ERCC3: variants seen among roughly 807,000 people sequenced by gnomAD.
The protein encoded by ERCC3 is ERCC excision repair 3, TFIIH core complex helicase subunit.
A neutral mutation model predicts 94.2 loss-of-function variants in ERCC3; 66 were observed. That is an observed-to-expected ratio of 0.70 (90% CI 0.57 to 0.86). The LOEUF (loss-of-function observed/expected upper bound fraction) is 0.86, where lower values mean the gene tolerates loss of function less well. ERCC3 is among the 40% of genes least tolerant of loss of function. The pLI is 0.00. For synonymous variants in ERCC3, 349 were observed against 369.1 expected, an observed-to-expected ratio of 0.95 and a Z score of 0.63; for missense variants, 829 against 987.1, an observed-to-expected ratio of 0.84 and a Z score of 2.15.
Position 127,289,835 on chromosome 2 carries a change from G to A in ERCC3, c.522-11C>T, listed in dbSNP as rs1399712660. 9.3e-6 allele frequency: 15 copies of A among 1,614,008 alleles called. No homozygotes were observed. Among genetic ancestry groups the A allele is most frequent in the Non-Finnish European group, 1.3e-5 (15 of 1,180,008 alleles). On this transcript the variant is annotated splice_polypyrimidine_tract_variant and intron_variant, in intron 4 of 14. Coordinates refer to ENST00000285398, the MANE Select transcript of ERCC3 (RefSeq NM_000122.2). ...CTTTCAACGAAGTATCTGCAAGCAG[G>A]GGAGGAAGAAGGGGTCTACTGACCA...
At position 127,276,160 on chromosome 2, in the gene ERCC3, G is replaced by A. The variant is rs564651388; in HGVS notation, c.1730+3013C>T. On this transcript the variant is annotated intron_variant, in intron 10 of 14. Coordinates refer to ENST00000285398, the MANE Select transcript of ERCC3 (RefSeq NM_000122.2). ...CCCTCCTCTTCCCCTAACACACGGT[G>A]GTGCCCAGGGGACTGAAAAATTCCT... Among the ~76,000 whole-genome samples, 46 of 152,302 alleles carry A rather than the reference G, an allele frequency of 3.0e-4. No homozygotes were observed. In the South Asian group the frequency reaches 9.1e-3, roughly 30 times the overall value.
intron 10 of ERCC3, among the ~76,000 whole-genome samples, chr2:127,273,183 C>CT (rs887210571): frequency 6.6e-6 from 1 of 152,184 alleles, no homozygotes; most frequent in African/African-American, 2.4e-5. Flanking sequence ...GGATTCCCTC[C>CT]TTTCCATTTT....
chr2:127,270,365 G>A (rs961963750), intron 12 of ERCC3, among the ~76,000 whole-genome samples: 9 of 152,142 alleles, frequency 5.9e-5, no homozygotes, highest in South Asian at 2.1e-4. Flanking sequence ...AATCCTCACA[G>A]CAGTCTTGGC....
At chr2:127,289,647 A>C in intron 5 of ERCC3, 42 bp downstream of exon 5, 1 of 1,613,540 alleles carries the variant, frequency 6.2e-7, no homozygotes. Context: ...TGAAATCCTA[A>C]ATGCCTGCCC....
rs1472700585 is a variant in ERCC3, at chr2:127,257,835, C to CATCA, written c.2218-112_2218-109dup. ...TTATAAGACTTACATAAATTTAATA[C>CATCA]ATCATTTTTAATAATGTTTACAGAT... On this transcript the variant is annotated intron_variant, in intron 14 of 14. Transcript: ENST00000285398. The surrounding 1 kb of genome is among the most constrained non-coding windows in gnomAD (Gnocchi z 5.4). 5 of 1,257,884 alleles carry CATCA rather than the reference C, an allele frequency of 4.0e-6. No individual in the cohort carries two copies. The highest frequency in any genetic ancestry group is 5.7e-6 in the Non-Finnish European group (5 of 876,134). The allele number at this position is 1,257,884 out of a possible 1,614,324, so 77.9% of individuals were successfully genotyped here. A position where few individuals can be genotyped will look rare whatever the true frequency, so the allele number is the denominator to read the frequency against.
rs751916656 is a variant in ERCC3 at position 127,272,939 on chromosome 2, A to T, written c.1753T>A (p.Ser585Thr). ...AGAATTTGCATCCTTTCCCCCTGAGACGTAGGTCCGTAGATATAGGGTCTA... is the reference window on the plus strand; with the variant it reads ...AGAATTTGCATCCTTTCCCCCTGAGTCGTAGGTCCGTAGATATAGGGTCTA... ...LNKPYIYGPT[S>T]QGERMQILQN... The change falls in exon 11 of 15, where the codon TCT becomes ACT. Residue 585 changes from serine to threonine, a missense_variant. Coordinates refer to ENST00000285398, the MANE Select transcript of ERCC3 (RefSeq NM_000122.2). The T allele has an allele frequency of 6.2e-7, 1 of 1,611,622 alleles. No homozygotes were observed.
At chr2:127,268,382 C>T (rs930992018) in intron 12 of ERCC3, among the ~76,000 whole-genome samples, 5 of 152,262 alleles carry the variant, frequency 3.3e-5, no homozygotes, top group South Asian at 4.2e-4. Context: ...CCTCAGCCTC[C>T]GGAGTGGCTG....
At position 127,289,398 on chromosome 2, in the gene ERCC3, T is replaced by C. The variant is rs1413165197; in HGVS notation, c.761A>G (p.Gln254Arg). Residue 254 changes from glutamine to arginine, a missense_variant, in exon 6 of 15, where the codon CAA (glutamine) becomes CGA (arginine). Transcript: ENST00000285398. ...TTCTTCTTCTTCATCCTTGTCCATT[T>C]GCTCATAGAAGTCAAACAGGTCCAT... ...IPMDLFDFYE[Q>R]MDKDEEEEEE... 1 of 1,613,688 alleles carries C rather than the reference T, an allele frequency of 6.2e-7. No individual in the cohort carries two copies. Among genetic ancestry groups the C allele is most frequent in the East Asian group, 2.2e-5 (1 of 44,872 alleles).
rs776235470 is a variant in ERCC3, at chr2:127,294,107, T to C, written c.-26A>G. 23 of 1,605,214 alleles carry C rather than the reference T, an allele frequency of 1.4e-5. No individual in the cohort carries two copies. Among genetic ancestry groups the C allele is most frequent in the Non-Finnish European group, 1.7e-5 (20 of 1,179,088 alleles). On this transcript the variant is annotated 5_prime_UTR_variant, in exon 1 of 15. Transcript: ENST00000285398. ...GGCAGCTACAGCAGCAGAGAGAAGA[T>C]GACCCCGCTCCCACAGGCCCGCCGC...
rs903470921 is a variant in ERCC3, at chr2:127,286,596, CT to C, written c.1342+106del. On this transcript the variant is annotated intron_variant, in intron 8 of 14. Coordinates refer to ENST00000285398, the MANE Select transcript of ERCC3 (RefSeq NM_000122.2). ...AGCTTTACCCAGCAAGCCAGCAAGT[CT>C]TTCTAGCCAGTTGGGTGGGCTACAC... 1.0e-5 allele frequency: 11 copies of C among 1,066,364 alleles called. No homozygotes were observed. In the African/African-American group the frequency reaches 1.6e-4, roughly 15 times the overall value. 66.1% of individuals were successfully genotyped at this position (1,066,364 alleles called of 1,614,324 possible). A position where few individuals can be genotyped will look rare whatever the true frequency, so the allele number is the denominator to read the frequency against.
rs1684997867 is a variant in ERCC3, at chr2:127,284,128, GT to G, written c.1342+2574del. ...ATTAAAGCTTCACAACATATCCAGAGTCGGATCACGCCTTCATCCTTACTGG... is the reference window on the plus strand; with the variant it reads ...ATTAAAGCTTCACAACATATCCAGAGCGGATCACGCCTTCATCCTTACTGG... On this transcript the variant is annotated intron_variant, in intron 8 of 14. Coordinates refer to ENST00000285398, the MANE Select transcript of ERCC3 (RefSeq NM_000122.2). This position sits in a 1 kb window ranked among gnomAD's most constrained non-coding sequence, Gnocchi z 4.1. The G allele has an allele frequency of 6.6e-6, 1 of 152,210 alleles. No individual in the cohort carries two copies. Among genetic ancestry groups the G allele is most frequent in the African/African-American group, 2.4e-5 (1 of 41,424 alleles). The allele number at this position is 152,210 out of a possible 1,614,324, so 9.4% of individuals were successfully genotyped here.
At chr2:127,292,513 C>A in intron 3 of ERCC3, 97 bp downstream of exon 3, 1 of 849,636 alleles carries the variant, frequency 1.2e-6, no homozygotes, top group East Asian at 2.4e-5. Flanking sequence ...CTGAATGGCA[C>A]ATTCTCATGG....
chr2:127,289,502 C>T lies in ERCC3; in HGVS notation c.658-1G>A. 1 of 1,612,446 alleles carries T rather than the reference C, an allele frequency of 6.2e-7. No individual in the cohort carries two copies. Among genetic ancestry groups the T allele is most frequent in the Non-Finnish European group, 8.5e-7 (1 of 1,180,024 alleles). On this transcript the variant is annotated splice_acceptor_variant, in intron 5 of 14. Transcript: ENST00000285398. LOFTEE classifies it high-confidence loss of function. ...CACTGCTTTCAGCAGTCTTAGAAAT[C>T]TGTGAGAGAGGTAGGTGCTGAACGT...
intron 12 of ERCC3, among the ~76,000 whole-genome samples, chr2:127,267,339 C>G (rs1023801323): frequency 1.3e-5 from 2 of 152,018 alleles, no homozygotes; most frequent in Non-Finnish European, 2.9e-5. Flanking sequence ...AACCATTTAT[C>G]ATCGTGTAAT....
intron 12 of ERCC3, among the ~76,000 whole-genome samples, chr2:127,269,591 T>C (rs1285620431): frequency 1.3e-5 from 2 of 151,284 alleles, no homozygotes; most frequent in East Asian, 2.0e-4. Context: ...CCAGCTAATT[T>C]TTTGTATTTT....
Position 127,267,534 on chromosome 2 carries a change from C to A in ERCC3, c.1945+3802G>T, listed in dbSNP as rs115880158. Among the ~76,000 whole-genome samples the A allele has an allele frequency of 4.3e-3, 656 of 151,884 alleles. 4 individuals are homozygous for A. Among genetic ancestry groups the A allele is most frequent in the South Asian group, 0.011 (54 of 4,820 alleles). ...GAGGTCTCTTGAAGACAGCAGAAGGCTGGGTCTTGTTTTTAATCCAATTTG... is the reference window on the plus strand; with the variant it reads ...GAGGTCTCTTGAAGACAGCAGAAGGATGGGTCTTGTTTTTAATCCAATTTG... On this transcript the variant is annotated intron_variant, in intron 12 of 14. Coordinates refer to ENST00000285398, the MANE Select transcript of ERCC3 (RefSeq NM_000122.2).
In ERCC3 at chr2:127,259,300, C is replaced by T; in HGVS notation, c.2213G>A (p.Ser738Asn). The change falls in exon 14 of 15, where the codon AGC (serine) becomes AAC (asparagine). Residue 738 changes from serine to asparagine, a missense_variant. Coordinates refer to ENST00000285398, the MANE Select transcript of ERCC3 (RefSeq NM_000122.2). This position sits in a 1 kb window ranked among gnomAD's most constrained non-coding sequence, Gnocchi z 4.9. Reference sequence around the variant, plus strand: ...CCTCCTCACCCATTTACTCACCTGGCTGGATCTGGAGCCAAATTCCCCAGC... The same window carrying T: ...CCTCCTCACCCATTTACTCACCTGGTTGGATCTGGAGCCAAATTCCCCAGC... ...VVAGEFGSRS[S>N]QASRRFGTMS... 6.2e-7 allele frequency: 1 copy of T among 1,614,236 alleles called. No individual in the cohort carries two copies. The highest frequency in any genetic ancestry group is 8.5e-7 in the Non-Finnish European group (1 of 1,180,040).
intron 12 of ERCC3, among the ~76,000 whole-genome samples, chr2:127,266,333 C>CTTTTTT (rs58029182): frequency 7.2e-5 from 8 of 111,354 alleles, no homozygotes; most frequent in African/African-American, 2.4e-4. Context: ...TTTATTGAGT[C>CTTTTTT]TTTTTTTTTT....
At chr2:127,278,780 C>T (rs574219604) in intron 10 of ERCC3, among the ~76,000 whole-genome samples, 1 of 152,342 alleles carries the variant, frequency 6.6e-6, no homozygotes, top group Non-Finnish European at 1.5e-5. Context: ...GATGCCAGCC[C>T]AGCCCATCTT....
Sources: gnomAD v4.1 joint callset for allele counts (sites outside exome capture counted in the v4.1 genomes callset) on GRCh38, gnomAD v4.1.1 for gene constraint, Gnocchi (gnomAD v3.1) non-coding constraint, MANE v1.5 for transcripts, NCBI Gene and HGNC (gene_info 2026-07-23, HGNC 2026-07-21) for gene names.